Variants in COL6A3 observed in about 807,000 individuals in gnomAD.
COL6A3 encodes collagen type VI alpha 3 chain, also known as collagen alpha-3(VI) chain.
In COL6A3, 137 loss-of-function variants were observed where a neutral mutation model predicts 274.1. The observed-to-expected ratio is 0.50, with a 90% CI of 0.44 to 0.58. The LOEUF (loss-of-function observed/expected upper bound fraction) is 0.58. Among genes scored for constraint, COL6A3 ranks in the 20% least tolerant of loss-of-function variants. The pLI, the probability that COL6A3 is intolerant of heterozygous loss-of-function variation, is 0.00. For missense variants in COL6A3, 3,950 were observed against 4,124.9 expected (o/e 0.96, Z 1.16); for synonymous variants, 1,650 against 1,650.6 (o/e 1.00, Z 0.01).
At chr2:237,329,647 A>C (rs1304822268) in intron 42 of COL6A3, 2 of 152,198 alleles carry the variant, frequency 1.3e-5, no homozygotes, top group Non-Finnish European at 2.9e-5. Flanking sequence ...CAAATATACC[A>C]TTTTATGCTA....
intron 3 of COL6A3, among the ~76,000 whole-genome samples, chr2:237,389,774 C>T (rs372767398): frequency 1.3e-5 from 2 of 152,234 alleles, no homozygotes; most frequent in East Asian, 3.8e-4. Flanking sequence ...GGCAACATTG[C>T]TATCACAATC....
Position 237,387,909 on chromosome 2 carries a change from C to T in COL6A3, c.985G>A (p.Val329Met), listed in dbSNP as rs542283928. 10 of 1,614,110 alleles carry T rather than the reference C, an allele frequency of 6.2e-6. No homozygotes were observed. The highest frequency in any genetic ancestry group is 1.3e-5 in the African/African-American group (1 of 75,058). ...GCCCGGGTGAAGTGGTTCTCCACCA[C>T]GAAATCAAGGGCGAGGCCGATATTG... Reference protein sequence around the residue: ...LANIGLALDFVVENHFTRAGG... With the variant: ...LANIGLALDFMVENHFTRAGG... The change falls in exon 4 of 44, where the codon GTG becomes ATG. Residue 329 changes from valine to methionine, a missense_variant. Physicochemically the swap from Val to Met is conservative, Grantham distance 21 (BLOSUM62 1). This residue lies in a region of COL6A3 where 1,934 missense variants were observed against 1,984.3 expected (regional missense o/e 0.97). Transcript: ENST00000295550.
At chr2:237,342,547 T>C (rs961201964) in intron 36 of COL6A3, 3 of 242,394 alleles carry the variant, frequency 1.2e-5, no homozygotes, top group Admixed American at 4.9e-5. Context: ...ATATGGGAGC[T>C]CCATCCCTTC....
chr2:237,345,031 T>G (rs2077070201), intron 34 of COL6A3, 27 bp downstream of exon 34: 2 of 1,614,174 alleles, frequency 1.2e-6, no homozygotes, highest in Non-Finnish European at 1.7e-6. Context: ...ATATGCATTG[T>G]GAGACAACAG....
chr2:237,365,883 C>T lies in COL6A3; in HGVS notation c.5653G>A (p.Val1885Met), dbSNP rs780597629. 9.3e-6 allele frequency: 15 copies of T among 1,614,002 alleles called. No homozygotes were observed. The highest frequency in any genetic ancestry group is 8.3e-5 in the Admixed American group (5 of 60,012). Residue 1885 changes from valine (V) to methionine (M), a missense_variant, in exon 12 of 44, where the codon GTG (valine) becomes ATG (methionine). Val to Met is a conservative substitution (Grantham distance 21). Around this residue, in one of 5 missense-constraint regions of COL6A3, gnomAD observed 632 missense variants for 623.4 expected, o/e 1.01. Transcript: ENST00000295550. The part of the protein sequence containing the change: ...VSCSGGRSPT[V>M]RVSVVANTPS... ...GTGTTGGCCACCACTGACACACGCA[C>T]GGTGGGCGAGCGGCCACCGCTGCAG...
rs1460088174 is a variant in COL6A3, at chr2:237,374,282, T to G, written c.3679+130A>C. 7.3e-6 allele frequency: 10 copies of G among 1,377,348 alleles called. No individual in the cohort carries two copies. Among genetic ancestry groups the G allele is most frequent in the Non-Finnish European group, 8.1e-6 (8 of 984,370 alleles). 85.3% of individuals were successfully genotyped at this position (1,377,348 alleles called of 1,614,324 possible). ...AAAAAGGGCATGTGGGTTCCTAAAT[T>G]TTCCTGTAATTTTAGTTTTCACTTC... On this transcript the variant is annotated intron_variant, in intron 8 of 43. Transcript: ENST00000295550. The surrounding 1 kb of genome is among the most constrained non-coding windows in gnomAD (Gnocchi z 4.8).
intron 23 of COL6A3, chr2:237,355,217 G>A: frequency 2.3e-6 from 1 of 443,474 alleles, no homozygotes. Flanking sequence ...GACCTGCCAA[G>A]CAAAATAATG....
At chr2:237,350,867 G>T (rs2077191892) in intron 27 of COL6A3, among the ~76,000 whole-genome samples, 1 of 152,258 alleles carries the variant, frequency 6.6e-6, no homozygotes, top group Non-Finnish European at 1.5e-5. Context: ...CAGAAAACCT[G>T]GCAGCTGATG....
chr2:237,346,512 T>A lies in COL6A3; in HGVS notation c.7083A>T (p.Pro2361=). 1 of 1,614,016 alleles carries A rather than the reference T, an allele frequency of 6.2e-7. No homozygotes were observed. Among genetic ancestry groups the A allele is most frequent in the Non-Finnish European group, 8.5e-7 (1 of 1,179,922 alleles). ...CTGGATAAATACTTACAGCTGGTCC[T>A]GGGTAGCCAGGGTCTCCCTTCTGTC... ...IVGQKGDPGY[P]GPAGPKGNRG... Residue 2361 remains proline (P), a synonymous_variant, in exon 32 of 44, where the codon CCA becomes CCT. Transcript: ENST00000295550.
At chr2:237,356,525 A>C (rs1459276831) in intron 23 of COL6A3, among the ~76,000 whole-genome samples, 2 of 152,164 alleles carry the variant, frequency 1.3e-5, no homozygotes, top group Non-Finnish European at 2.9e-5. Context: ...CTACTGGCCC[A>C]AGTGCCGGGC....
intron 5 of COL6A3, among the ~76,000 whole-genome samples, chr2:237,380,010 AT>A (rs1436445116): frequency 6.6e-5 from 10 of 152,220 alleles, no homozygotes; most frequent in Non-Finnish European, 1.2e-4. Context: ...TTAAAATTTT[AT>A]TTTTTATTTC....
rs370355177 is a variant in COL6A3, at chr2:237,367,618, G to T, written c.4901-332C>A. Among the ~76,000 whole-genome samples the T allele has an allele frequency of 7.4e-4, 113 of 152,334 alleles. No individual in the cohort carries two copies. The South Asian group carries it at 9.5e-3, about 13-fold the overall frequency. The stretch of plus-strand genomic sequence containing the variant: ...GTGACAAGAATTCAATAGGGACCTG[G>T]CTTTGACATTTGTGATCTCAAGTGT... On this transcript the variant is annotated intron_variant, in intron 10 of 43. Transcript: ENST00000295550.
At chr2:237,362,927 G>A (rs536968432) in intron 14 of COL6A3, among the ~76,000 whole-genome samples, 1 of 152,274 alleles carries the variant, frequency 6.6e-6, no homozygotes, top group African/African-American at 2.4e-5. Context: ...ATTGGAGGAT[G>A]GACAATCTCG....
At chr2:237,339,266 G>A in intron 38 of COL6A3, 149 bp from the exon 39 acceptor site, 1 of 665,798 alleles carries the variant, frequency 1.5e-6, no homozygotes, top group East Asian at 2.8e-5. Flanking sequence ...ACTATGTCCA[G>A]TGATTTTAAA....
At chr2:237,389,880 C>A (rs2078244495) in intron 3 of COL6A3, among the ~76,000 whole-genome samples, 1 of 152,170 alleles carries the variant, frequency 6.6e-6, no homozygotes. Context: ...TTATATAAGA[C>A]TAGGCCCTTG....
In COL6A3 at chr2:237,374,590, G is replaced by C. The variant is rs199998363; in HGVS notation, c.3501C>G (p.Ile1167Met). The change falls in exon 8 of 44, where the codon ATC (isoleucine) becomes ATG (methionine). Residue 1167 changes from isoleucine (I) to methionine (M), a missense_variant. Ile to Met is a conservative substitution (Grantham distance 10, BLOSUM62 1). Around this residue, in one of 5 missense-constraint regions of COL6A3, gnomAD observed 1,934 missense variants for 1,984.3 expected, o/e 0.97. Transcript: ENST00000295550. This position sits in a 1 kb window ranked among gnomAD's most constrained non-coding sequence, Gnocchi z 4.8. ...RGGAVPIGIG[I>M]GNADITEMQT... ...GCATCTCTGTGATGTCAGCGTTCCC[G>C]ATGCCAATGCCAATGGGCACAGCCC... is the stretch of plus-strand genomic sequence containing the variant. The C allele has an allele frequency of 6.2e-7, 1 of 1,614,208 alleles. No individual in the cohort carries two copies.
chr2:237,392,358 T>G (rs1310764704), intron 3 of COL6A3, among the ~76,000 whole-genome samples: 1 of 152,242 alleles, frequency 6.6e-6, no homozygotes, highest in East Asian at 1.9e-4. Flanking sequence ...TGGTACTGCT[T>G]CTCTGCAACT....
At chr2:237,329,271 T>G (rs1000183863) in intron 42 of COL6A3, 4 of 152,120 alleles carry the variant, frequency 2.6e-5, no homozygotes, top group African/African-American at 9.7e-5. Flanking sequence ...GCCAGGCTGG[T>G]CTCGAACTCC....
At chr2:237,391,361 G>A (rs2078281668) in intron 3 of COL6A3, among the ~76,000 whole-genome samples, 1 of 152,154 alleles carries the variant, frequency 6.6e-6, no homozygotes, top group Non-Finnish European at 1.5e-5. Context: ...ACACGATGTT[G>A]GTAGTTTCAT....
Sources: allele counts gnomAD v4.1 joint callset (sites outside exome capture counted in the v4.1 genomes callset), GRCh38; gene constraint gnomAD v4.1.1; regional missense constraint gnomAD v4.1.1; non-coding constraint Gnocchi (gnomAD v3.1); transcripts MANE v1.5; gene names NCBI Gene and HGNC (gene_info 2026-07-23, HGNC 2026-07-21).